The following GRID2 variants were observed in gnomAD, a reference collection of about 807,000 sequenced individuals.
The protein encoded by GRID2 is glutamate receptor ionotropic, delta-2.
In GRID2, 33 loss-of-function variants were observed where a neutral mutation model predicts 114.8. The ratio of observed to expected loss-of-function variants is 0.29; its 90% confidence interval spans 0.22 to 0.38. The LOEUF (loss-of-function observed/expected upper bound fraction) is 0.38. Among genes scored for constraint, GRID2 ranks in the 10% least tolerant of loss-of-function variants. The pLI is 1.00. For synonymous variants in GRID2, 505 were observed against 449.9 expected, an observed-to-expected ratio of 1.12 and a Z score of -1.55; for missense variants, 1,184 against 1,257.7, an observed-to-expected ratio of 0.94 and a Z score of 0.89.
chr4:92,454,042 T>C (rs143404228), intron 1 of GRID2, among the ~76,000 whole-genome samples: 1 of 152,288 alleles, frequency 6.6e-6, no homozygotes, highest in East Asian at 1.9e-4. Flanking sequence ...CCTCTTAGTG[T>C]TTAAATAAAC....
intron 8 of GRID2, among the ~76,000 whole-genome samples, chr4:93,390,847 G>A (rs963509058): frequency 2.0e-5 from 3 of 151,496 alleles, no homozygotes; most frequent in Non-Finnish European, 2.9e-5. Flanking sequence ...ATACATATTT[G>A]TATATATATG....
At chr4:92,560,609 C>G (rs1727059180) in intron 1 of GRID2, among the ~76,000 whole-genome samples, 1 of 147,388 alleles carries the variant, frequency 6.8e-6, no homozygotes, top group Non-Finnish European at 1.5e-5. Context: ...TTGGTTAGAT[C>G]CATTTATCTG....
At chr4:93,574,568 C>T (rs945944598) in intron 13 of GRID2, among the ~76,000 whole-genome samples, 1 of 152,014 alleles carries the variant, frequency 6.6e-6, no homozygotes, top group African/African-American at 2.4e-5. Context: ...AGAGAGAGAG[C>T]TTGTGCAGGG....
intron 3 of GRID2, among the ~76,000 whole-genome samples, chr4:93,107,195 A>G (rs1180009260): frequency 6.6e-6 from 1 of 152,138 alleles, no homozygotes; most frequent in Non-Finnish European, 1.5e-5. Flanking sequence ...GCTGCTCAGG[A>G]GGCTGAGGTG....
intron 14 of GRID2, among the ~76,000 whole-genome samples, chr4:93,680,714 G>A (rs1308926287): frequency 6.6e-6 from 1 of 151,440 alleles, no homozygotes; most frequent in East Asian, 1.9e-4. Context: ...AAAGGCCTTT[G>A]ACAAAATTCA....
chr4:92,892,113 G>A (rs1746831477), intron 2 of GRID2, among the ~76,000 whole-genome samples: 1 of 150,530 alleles, frequency 6.6e-6, no homozygotes, highest in Non-Finnish European at 1.5e-5. Context: ...GCCCAGGCTT[G>A]TGTGCAGTGG....
chr4:92,369,174 T>G (rs541371769), intron 1 of GRID2, among the ~76,000 whole-genome samples: 8 of 152,220 alleles, frequency 5.3e-5, no homozygotes, highest in Admixed American at 2.6e-4. Context: ...TATATTATTT[T>G]TTCCTAGGTG....
intron 2 of GRID2, among the ~76,000 whole-genome samples, chr4:92,943,535 T>C (rs1373226779): frequency 6.6e-6 from 1 of 152,172 alleles, no homozygotes; most frequent in Admixed American, 6.5e-5. Flanking sequence ...CTTCCTCCTT[T>C]AGCTCGGAGT....
intron 1 of GRID2, among the ~76,000 whole-genome samples, chr4:92,575,318 T>G (rs1305827398): frequency 6.6e-6 from 1 of 152,208 alleles, no homozygotes; most frequent in Non-Finnish European, 1.5e-5. Flanking sequence ...TTCTGTCATT[T>G]CAGCCATGTC....
At chr4:92,835,228 G>T (rs1389310231) in intron 2 of GRID2, among the ~76,000 whole-genome samples, 1 of 151,928 alleles carries the variant, frequency 6.6e-6, no homozygotes, top group Admixed American at 6.6e-5. Context: ...ATGAGGTTGA[G>T]GGTAGGGAAA....
intron 2 of GRID2, among the ~76,000 whole-genome samples, chr4:92,948,985 T>C (rs1459073080): frequency 3.3e-5 from 5 of 151,780 alleles, no homozygotes; most frequent in African/African-American, 7.3e-5. Flanking sequence ...TTTGTGTGAG[T>C]GTGTGTGGGC....
intron 1 of GRID2, among the ~76,000 whole-genome samples, chr4:92,520,325 TAAGAG>T (rs1350795495): frequency 6.6e-6 from 1 of 151,442 alleles, no homozygotes; most frequent in Non-Finnish European, 1.5e-5. Flanking sequence ...GATGAGGAAA[TAAGAG>T]AAGGAAGAAA....
chr4:93,365,727 G>A (rs971437802), intron 8 of GRID2, among the ~76,000 whole-genome samples: 2 of 152,074 alleles, frequency 1.3e-5, no homozygotes, highest in East Asian at 3.9e-4. Context: ...CTGCTTACTT[G>A]GCCATAAAGC....
intron 4 of GRID2, among the ~76,000 whole-genome samples, chr4:93,197,336 G>A (rs545198757): frequency 5.3e-5 from 8 of 151,940 alleles, no homozygotes; most frequent in Non-Finnish European, 7.4e-5. Context: ...TTATGATTTG[G>A]GTGAGTTACT....
intron 2 of GRID2, among the ~76,000 whole-genome samples, chr4:92,611,480 G>A (rs997672233): frequency 6.6e-6 from 1 of 151,392 alleles, no homozygotes; most frequent in African/African-American, 2.4e-5. Flanking sequence ...TACCTCCTTA[G>A]AGGCCCTGTA....
chr4:92,968,774 C>T (rs1221040793), intron 2 of GRID2, among the ~76,000 whole-genome samples: 2 of 151,838 alleles, frequency 1.3e-5, no homozygotes, highest in Non-Finnish European at 2.9e-5. Flanking sequence ...CCCTAGGCAA[C>T]CACTAATCTA....
In GRID2 at chr4:92,661,433, T is replaced by C. The variant is rs1363174004; in HGVS notation, c.244+71147T>C. 6.0e-5 allele frequency among the ~76,000 whole-genome samples: 9 copies of C among 150,968 alleles called. No individual in the cohort carries two copies. In the Admixed American group the frequency reaches 6.0e-4, roughly 10 times the overall value. The stretch of plus-strand genomic sequence containing the variant: ...AAAATATCTTTAAATGAAACAGCTT[T>C]ACCATAAGTTTTAGTGTGGAATGAT... On this transcript the variant is annotated intron_variant, in intron 2 of 15. Transcript: ENST00000282020.
At chr4:92,551,537 G>A (rs545087765) in intron 1 of GRID2, among the ~76,000 whole-genome samples, 3 of 152,200 alleles carry the variant, frequency 2.0e-5, no homozygotes, top group South Asian at 4.1e-4. Flanking sequence ...ATGTGTCAGT[G>A]CCTGGGAGGA....
chr4:93,346,271 A>G (rs1418391424), intron 8 of GRID2, among the ~76,000 whole-genome samples: 1 of 152,192 alleles, frequency 6.6e-6, no homozygotes, highest in African/African-American at 2.4e-5. Flanking sequence ...ATGAAAAGCA[A>G]AGAGAAAATT....
Sources: allele counts gnomAD v4.1 joint callset (sites outside exome capture counted in the v4.1 genomes callset), GRCh38; gene constraint gnomAD v4.1.1; transcripts MANE v1.5; gene names NCBI Gene and HGNC (gene_info 2026-07-23, HGNC 2026-07-21).